Variants in FER1L6 observed in about 807,000 individuals in gnomAD.
FER1L6 encodes the protein fer-1-like protein 6.
A neutral mutation model predicts 219.2 loss-of-function variants in FER1L6; 177 were observed. That is an observed-to-expected ratio of 0.81 (90% CI 0.71 to 0.91). The LOEUF (loss-of-function observed/expected upper bound fraction) is 0.91. Among genes scored for constraint, FER1L6 ranks in the 40% least tolerant of loss-of-function variants. FER1L6 has a pLI of 0.00. For missense variants in FER1L6, 2,153 were observed against 2,259.9 expected, an observed-to-expected ratio of 0.95 and a Z score of 0.96; for synonymous variants, 768 against 824.3, an observed-to-expected ratio of 0.93 and a Z score of 1.17.
At chr8:123,928,365 C>G (rs758317785) in intron 1 of FER1L6, among the ~76,000 whole-genome samples, 5 of 152,174 alleles carry the variant, frequency 3.3e-5, no homozygotes, top group Non-Finnish European at 7.3e-5. Flanking sequence ...AGGCATGTGA[C>G]AGGCTCCACC....
At chr8:123,980,186 G>A (rs1371399203) in intron 10 of FER1L6, among the ~76,000 whole-genome samples, 1 of 152,182 alleles carries the variant, frequency 6.6e-6, no homozygotes, top group Non-Finnish European at 1.5e-5. Context: ...GCCTACTGGA[G>A]AACATGGGGG....
chr8:124,103,694 T>C (rs765337182), intron 39 of FER1L6, among the ~76,000 whole-genome samples: 3 of 152,250 alleles, frequency 2.0e-5, no homozygotes, highest in Admixed American at 2.0e-4. Flanking sequence ...GGAGAAGCCA[T>C]TTATCCCTTT....
intron 18 of FER1L6, among the ~76,000 whole-genome samples, chr8:124,027,766 CAGGCT>C (rs1818776012): frequency 6.6e-6 from 1 of 152,126 alleles, no homozygotes; most frequent in Non-Finnish European, 1.5e-5. Context: ...CTATGTAACC[CAGGCT>C]TATCTCAAAC....
intron 1 of FER1L6, among the ~76,000 whole-genome samples, chr8:123,855,482 T>A (rs1272157030): frequency 4.0e-5 from 6 of 151,884 alleles, no homozygotes; most frequent in Non-Finnish European, 8.8e-5. Flanking sequence ...TAGAGCCCAC[T>A]GAGTTCTCAT....
chr8:124,118,980 G>C (rs1823366665), intron 40 of FER1L6, 36 bp downstream of exon 40: 7 of 1,547,884 alleles, frequency 4.5e-6, no homozygotes, highest in Non-Finnish European at 6.2e-6. Flanking sequence ...TCAGAAATGG[G>C]AAGGGGCCTT....
Position 123,917,516 on chromosome 8 carries a change from A to G in FER1L6, c.-7-38476A>G, listed in dbSNP as rs182390337. ...AAGGACTAGGAGTCAGTTTTCATTT[A>G]ACTATTTGTTGAAAGCCTCCGTGTT... On this transcript the variant is annotated intron_variant, in intron 1 of 40. Coordinates refer to ENST00000522917, the MANE Select transcript of FER1L6 (RefSeq NM_001039112.2). 3.3e-5 allele frequency among the ~76,000 whole-genome samples: 5 copies of G among 152,338 alleles called. No homozygotes were observed. The East Asian group carries it at 7.7e-4, about 23-fold the overall frequency.
At chr8:123,957,918 G>A (rs1396629919) in intron 2 of FER1L6, among the ~76,000 whole-genome samples, 1 of 152,224 alleles carries the variant, frequency 6.6e-6, no homozygotes, top group Non-Finnish European at 1.5e-5. Flanking sequence ...ACAGAACAGA[G>A]ACTTTGGTCT....
intron 31 of FER1L6, among the ~76,000 whole-genome samples, chr8:124,074,737 G>A (rs555449838): frequency 6.6e-6 from 1 of 151,906 alleles, no homozygotes; most frequent in East Asian, 1.9e-4. Context: ...TTGTTAGGCT[G>A]TTTCAGTGCT....
chr8:124,003,694 C>G (rs1202080953), intron 13 of FER1L6, among the ~76,000 whole-genome samples: 1 of 151,940 alleles, frequency 6.6e-6, no homozygotes, highest in Non-Finnish European at 1.5e-5. Context: ...GTCTCAATCT[C>G]CTGATCTCAT....
intron 1 of FER1L6, among the ~76,000 whole-genome samples, chr8:123,864,519 C>T (rs1440936908): frequency 6.0e-5 from 9 of 149,564 alleles, no homozygotes; most frequent in South Asian, 2.1e-4. Flanking sequence ...TGAATCTGAA[C>T]GTTGGCCTGC....
chr8:123,858,667 C>A (rs528423944), intron 1 of FER1L6, among the ~76,000 whole-genome samples: 2 of 152,216 alleles, frequency 1.3e-5, no homozygotes, highest in Non-Finnish European at 2.9e-5. Flanking sequence ...CTCAGTGATG[C>A]AATCACAACT....
chr8:123,896,010 G>A (rs990032858), intron 1 of FER1L6, among the ~76,000 whole-genome samples: 4 of 152,216 alleles, frequency 2.6e-5, no homozygotes, highest in Non-Finnish European at 5.9e-5. Flanking sequence ...CTGTCTGTGA[G>A]TGTGGTTCAG....
chr8:124,071,770 T>G (rs1821084862), intron 31 of FER1L6, 139 bp downstream of exon 31: 1 of 1,128,958 alleles, frequency 8.9e-7, no homozygotes. Flanking sequence ...TATAATCAAG[T>G]TGCTACCAGG....
At chr8:123,900,667 G>A (rs1191112351) in intron 1 of FER1L6, among the ~76,000 whole-genome samples, 2 of 152,104 alleles carry the variant, frequency 1.3e-5, no homozygotes, top group Non-Finnish European at 2.9e-5. Flanking sequence ...TTACATTAAC[G>A]TATGTCCCTT....
chr8:123,941,507 G>A (rs1814240708), intron 1 of FER1L6, among the ~76,000 whole-genome samples: 1 of 152,184 alleles, frequency 6.6e-6, no homozygotes, highest in African/African-American at 2.4e-5. Flanking sequence ...AGGAGAGGAA[G>A]CAGAGAGATT....
At chr8:124,072,558 A>C (rs1304216158) in intron 31 of FER1L6, among the ~76,000 whole-genome samples, 1 of 152,240 alleles carries the variant, frequency 6.6e-6, no homozygotes, top group African/African-American at 2.4e-5. Flanking sequence ...AAGGAACATA[A>C]ATGTAACACA....
intron 18 of FER1L6, among the ~76,000 whole-genome samples, chr8:124,028,286 C>G (rs1818796096): frequency 6.6e-6 from 1 of 152,180 alleles, no homozygotes; most frequent in Non-Finnish European, 1.5e-5. Context: ...CTTTCTGGAT[C>G]TTGTTGAATC....
At chr8:123,962,379 C>T (rs1047897204) in intron 2 of FER1L6, among the ~76,000 whole-genome samples, 2 of 152,046 alleles carry the variant, frequency 1.3e-5, no homozygotes, top group Non-Finnish European at 2.9e-5. Flanking sequence ...AAAAGAAAAA[C>T]CTGTGGCAGT....
chr8:124,057,279 A>G (rs891300613), intron 22 of FER1L6, among the ~76,000 whole-genome samples: 1 of 152,040 alleles, frequency 6.6e-6, no homozygotes, highest in African/African-American at 2.4e-5. Flanking sequence ...AGCTGAAGGT[A>G]TTATTCCATT....
Sources: allele counts gnomAD v4.1 joint callset (sites outside exome capture counted in the v4.1 genomes callset), GRCh38; gene constraint gnomAD v4.1.1; transcripts MANE v1.5; gene names NCBI Gene and HGNC (gene_info 2026-07-23, HGNC 2026-07-21).